The following NHLRC2 variants were observed in gnomAD, a reference collection of about 807,000 sequenced individuals.
The protein encoded by NHLRC2 is NHL repeat-containing protein 2.
NHLRC2 carries 33 observed loss-of-function variants against 68.1 expected under a neutral mutation model. That is an observed-to-expected ratio of 0.48 (90% CI 0.37 to 0.65). The LOEUF (loss-of-function observed/expected upper bound fraction) is 0.65, where lower values mean the gene tolerates loss of function less well. Ranked by LOEUF, NHLRC2 falls within the 30% of genes least tolerant of loss-of-function variation. The pLI is 0.00. For missense variants in NHLRC2, 761 were observed against 853.8 expected, an observed-to-expected ratio of 0.89 and a Z score of 1.35; for synonymous variants, 311 against 309.6, an observed-to-expected ratio of 1.00 and a Z score of -0.05.
At chr10:113,889,033 G>T (rs2134722048) in intron 5 of NHLRC2, among the ~76,000 whole-genome samples, 1 of 152,000 alleles carries the variant, frequency 6.6e-6, no homozygotes, top group East Asian at 1.9e-4. Flanking sequence ...CACCATGTTG[G>T]CCAGGCTGTT....
intron 8 of NHLRC2, 28 bp from the exon 9 acceptor site, chr10:113,903,499 A>G (rs1327502247): frequency 7.3e-7 from 1 of 1,364,240 alleles, no homozygotes; most frequent in African/African-American, 1.4e-5. Context: ...ATCTTCAGTT[A>G]TATAAGTTTT....
chr10:113,856,576 T>C (rs190070437), intron 1 of NHLRC2, among the ~76,000 whole-genome samples: 20 of 152,370 alleles, frequency 1.3e-4, no homozygotes, highest in African/African-American at 4.3e-4. Flanking sequence ...TACACTGTTA[T>C]AAACAAGCAG....
chr10:113,860,025 A>T (rs1324119701), intron 2 of NHLRC2, among the ~76,000 whole-genome samples: 1 of 152,210 alleles, frequency 6.6e-6, no homozygotes, highest in African/African-American at 2.4e-5. Flanking sequence ...GTGTGGCAAG[A>T]TTGTAAGAGT....
chr10:113,865,095 G>A (rs1413797628), intron 2 of NHLRC2, among the ~76,000 whole-genome samples: 3 of 151,738 alleles, frequency 2.0e-5, no homozygotes, highest in South Asian at 2.1e-4. Context: ...GACTACAGGC[G>A]CTCCTCACCA....
chr10:113,900,452 A>G (rs144492700), intron 6 of NHLRC2, among the ~76,000 whole-genome samples: 72 of 152,320 alleles, frequency 4.7e-4, no homozygotes, highest in African/African-American at 1.3e-3. Context: ...GAATTTCCTC[A>G]TAAGTAGAGT....
rs1564853820 is a variant in NHLRC2, at chr10:113,879,553, GCAAATTTTAT to G, written c.788-19_788-10del. 4.4e-6 allele frequency: 7 copies of G among 1,584,616 alleles called. No individual in the cohort carries two copies. The highest frequency in any genetic ancestry group is 6.0e-6 in the Non-Finnish European group (7 of 1,166,686). ...TTACCTTGAGATCACTTCTTAAGTG[GCAAATTTTAT>G]CTTATTTTAGGACCCAACCCTGGAA... On this transcript the variant is annotated splice_polypyrimidine_tract_variant and intron_variant, in intron 3 of 10. Transcript: ENST00000369301.
intron 2 of NHLRC2, among the ~76,000 whole-genome samples, chr10:113,863,432 A>G (rs1015866449): frequency 2.0e-5 from 3 of 152,166 alleles, no homozygotes; most frequent in South Asian, 2.1e-4. Flanking sequence ...TGAAAACACA[A>G]TGTAACAAAA....
Position 113,908,318 on chromosome 10 carries a change from G to C in NHLRC2, c.1963G>C (p.Asp655His), listed in dbSNP as rs112320225. The change falls in exon 11 of 11, where the codon GAT (aspartate) becomes CAT (histidine). Residue 655 changes from aspartate (D) to histidine (H), a missense_variant. Transcript: ENST00000369301. ...ACTTCAAGGACAGATAGCAGCTGGA[G>C]ATATAGAGAACATTTCCAGTCAACC... Reference protein sequence around the residue: ...WLLQGQIAAGDIENISSQPTI... With the variant: ...WLLQGQIAAGHIENISSQPTI... 148 of 1,612,912 alleles carry C rather than the reference G, an allele frequency of 9.2e-5. No homozygotes were observed. In the African/African-American group the frequency reaches 1.5e-3, roughly 16 times the overall value.
At chr10:113,864,846 T>G (rs902397393) in intron 2 of NHLRC2, among the ~76,000 whole-genome samples, 4 of 152,086 alleles carry the variant, frequency 2.6e-5, no homozygotes, top group African/African-American at 9.7e-5. Context: ...GAGAGCCATT[T>G]GTTAAATATG....
Position 113,915,011 on chromosome 10 carries a change from G to T in NHLRC2, c.*6475G>T, listed in dbSNP as rs1292916666. ...CCTGGGTAAGGTGGAACAGGAGGCA[G>T]CCCCACTCGGCTTTTCTGATTGCAT... On this transcript the variant is annotated 3_prime_UTR_variant, in exon 11 of 11. Transcript: ENST00000369301. 2.2e-6 allele frequency: 1 copy of T among 456,270 alleles called. No individual in the cohort carries two copies. Among genetic ancestry groups the T allele is most frequent in the South Asian group, 1.5e-5 (1 of 64,570 alleles). 28.3% of individuals were successfully genotyped at this position (456,270 alleles called of 1,614,324 possible). A position where few individuals can be genotyped will look rare whatever the true frequency, so the allele number is the denominator to read the frequency against.
At chr10:113,868,819 C>T (rs1202062714) in intron 2 of NHLRC2, among the ~76,000 whole-genome samples, 1 of 152,114 alleles carries the variant, frequency 6.6e-6, no homozygotes, top group Non-Finnish European at 1.5e-5. Flanking sequence ...AACTTCTGTT[C>T]TAAAAGACAA....
At chr10:113,869,522 A>T (rs1845902359) in intron 2 of NHLRC2, among the ~76,000 whole-genome samples, 1 of 152,116 alleles carries the variant, frequency 6.6e-6, no homozygotes, top group Non-Finnish European at 1.5e-5. Flanking sequence ...CTCTGTGCCT[A>T]GTCACTTACC....
chr10:113,911,531 T>A lies in NHLRC2; in HGVS notation c.*2995T>A, dbSNP rs1225316535. On this transcript the variant is annotated 3_prime_UTR_variant, in exon 11 of 11. Transcript: ENST00000369301. Reference sequence around the variant, plus strand: ...TATAGGTGTGTGTATACACAAAGATTAAGAATTATTCATGATTCTTTTATG... The same window carrying A: ...TATAGGTGTGTGTATACACAAAGATAAAGAATTATTCATGATTCTTTTATG... The A allele has an allele frequency of 2.0e-5, 3 of 152,190 alleles. No homozygotes were observed. The highest frequency in any genetic ancestry group is 2.9e-5 in the Non-Finnish European group (2 of 67,996). The allele number at this position is 152,190 out of a possible 1,614,324, so 9.4% of individuals were successfully genotyped here. A position where few individuals can be genotyped will look rare whatever the true frequency, so the allele number is the denominator to read the frequency against.
At chr10:113,869,929 C>T (rs1197006089) in intron 2 of NHLRC2, among the ~76,000 whole-genome samples, 1 of 152,094 alleles carries the variant, frequency 6.6e-6, no homozygotes, top group South Asian at 2.1e-4. Flanking sequence ...CCCTTCCTTA[C>T]TAAATACACC....
chr10:113,876,264 A>G (rs1845978774), intron 2 of NHLRC2, among the ~76,000 whole-genome samples: 1 of 152,100 alleles, frequency 6.6e-6, no homozygotes, highest in African/African-American at 2.4e-5. Context: ...ATAAAAGAAA[A>G]AAAGTTTTAA....
At position 113,911,827 on chromosome 10, in the gene NHLRC2, C is replaced by T. The variant is rs1363352405; in HGVS notation, c.*3291C>T. 6.6e-6 allele frequency: 1 copy of T among 151,524 alleles called. No homozygotes were observed. The highest frequency in any genetic ancestry group is 6.6e-5 in the Admixed American group (1 of 15,190). The allele number at this position is 151,524 out of a possible 1,614,324, so 9.4% of individuals were successfully genotyped here. A position where few individuals can be genotyped will look rare whatever the true frequency, so the allele number is the denominator to read the frequency against. ...ATGCAGAGGGAAAATGTCAATAGTT[C>T]TTGTGAATGAAGGAATTATGGATGT... On this transcript the variant is annotated 3_prime_UTR_variant, in exon 11 of 11. Transcript: ENST00000369301.
In NHLRC2 at chr10:113,914,956, G is replaced by A. The variant is rs139635871; in HGVS notation, c.*6420G>A. On this transcript the variant is annotated 3_prime_UTR_variant, in exon 11 of 11. Coordinates refer to ENST00000369301, the MANE Select transcript of NHLRC2 (RefSeq NM_198514.4). ...TCTGGAGGTTCGCCTGGCTGCCTCA[G>A]GCTTGCAGAAGGCTGCCCCAATCAC... is the stretch of plus-strand genomic sequence containing the variant. 692 of 456,188 alleles carry A rather than the reference G, an allele frequency of 1.5e-3. 3 individuals are homozygous for A. Among genetic ancestry groups the A allele is most frequent in the African/African-American group, 0.013 (642 of 50,188 alleles). 28.3% of individuals were successfully genotyped at this position (456,188 alleles called of 1,614,324 possible). A position where few individuals can be genotyped will look rare whatever the true frequency, so the allele number is the denominator to read the frequency against.
chr10:113,890,548 A>C (rs1259272734), intron 5 of NHLRC2, among the ~76,000 whole-genome samples: 3 of 152,034 alleles, frequency 2.0e-5, no homozygotes, highest in African/African-American at 7.2e-5. Context: ...TTATCTCTTC[A>C]GATATTTTTT....
Position 113,901,829 on chromosome 10 carries a change from A to G in NHLRC2, c.1303A>G (p.Thr435Ala), listed in dbSNP as rs1165017434. Residue 435 changes from threonine (T) to alanine (A), a missense_variant, in exon 7 of 11, where the codon ACA becomes GCA. By Grantham distance (58) the Thr-to-Ala change is moderately conservative. Transcript: ENST00000369301. ...GTTTGTAGCAGATAGTGAGAGCAGTACAGTGAGAACCGTTTCACTGAAAGA... is the reference window on the plus strand; with the variant it reads ...GTTTGTAGCAGATAGTGAGAGCAGTGCAGTGAGAACCGTTTCACTGAAAGA... ...CLFVADSESS[T>A]VRTVSLKDGA... The G allele has an allele frequency of 1.2e-6, 2 of 1,614,176 alleles. No individual in the cohort carries two copies. Among genetic ancestry groups the G allele is most frequent in the Non-Finnish European group, 8.5e-7 (1 of 1,180,004 alleles).
Sources: gnomAD v4.1 joint callset for allele counts (sites outside exome capture counted in the v4.1 genomes callset) on GRCh38, gnomAD v4.1.1 for gene constraint, MANE v1.5 for transcripts, NCBI Gene and HGNC (gene_info 2026-07-23, HGNC 2026-07-21) for gene names.